CACNA2D3: variants seen among roughly 807,000 people sequenced by gnomAD.
The protein encoded by CACNA2D3 is calcium voltage-gated channel auxiliary subunit alpha2delta 3, also known as voltage-dependent calcium channel subunit alpha-2/delta-3.
Under a neutral mutation model 160.6 loss-of-function variants are expected in CACNA2D3, and 60 were observed. The observed-to-expected ratio is 0.37, with a 90% confidence interval of 0.30 to 0.46. The LOEUF is 0.46. CACNA2D3 is among the 20% of genes least tolerant of loss of function. The pLI, the probability that CACNA2D3 is intolerant of heterozygous loss-of-function variation, is 1.00. For synonymous variants in CACNA2D3, 558 were observed against 492.9 expected, an observed-to-expected ratio of 1.13 and a Z score of -1.75; for missense variants, 1,205 against 1,365.0, an observed-to-expected ratio of 0.88 and a Z score of 1.85.
intron 2 of CACNA2D3, among the ~76,000 whole-genome samples, chr3:54,255,138 C>T (rs545903092): frequency 6.6e-6 from 1 of 152,184 alleles, no homozygotes; most frequent in East Asian, 1.9e-4. Flanking sequence ...CCTGATTTCC[C>T]TCTTTTAAAA....
rs780345468 is a variant in CACNA2D3, at chr3:54,764,331, G to A, written c.1360G>A (p.Glu454Lys). 35 of 1,613,590 alleles carry A rather than the reference G, an allele frequency of 2.2e-5. No homozygotes were observed. Among genetic ancestry groups the A allele is most frequent in the African/African-American group, 4.0e-5 (3 of 74,898 alleles). Residue 454 changes from glutamate (E) to lysine (K), a missense_variant, in exon 13 of 38, where the codon GAA becomes AAA. Coordinates refer to ENST00000474759, the MANE Select transcript of CACNA2D3 (RefSeq NM_018398.3). Reference protein sequence around the residue: ...IDQEHDVVWTEAYIDSTLPQA... With the variant: ...IDQEHDVVWTKAYIDSTLPQA... The stretch of plus-strand genomic sequence containing the variant: ...CCAGGAGCATGATGTGGTGTGGACC[G>A]AAGCTTACATTGACAGCACTGTGAG...
chr3:55,069,738 A>G (rs368469967), intron 35 of CACNA2D3, among the ~76,000 whole-genome samples: 2 of 152,288 alleles, frequency 1.3e-5, no homozygotes, highest in South Asian at 2.1e-4. Context: ...AGTTTTGTTC[A>G]TGGCAATTGG....
At chr3:54,356,007 A>G (rs1405930714) in intron 3 of CACNA2D3, among the ~76,000 whole-genome samples, 1 of 151,330 alleles carries the variant, frequency 6.6e-6, no homozygotes, top group African/African-American at 2.4e-5. Flanking sequence ...GGAGGTCCCC[A>G]GGACTGGCTG....
intron 13 of CACNA2D3, among the ~76,000 whole-genome samples, chr3:54,804,908 G>C (rs529638834): frequency 5.3e-5 from 8 of 152,244 alleles, no homozygotes; most frequent in African/African-American, 1.7e-4. Context: ...CACTCAAAAT[G>C]GCTCAACTAC....
chr3:54,946,189 C>G (rs947161750), intron 27 of CACNA2D3, among the ~76,000 whole-genome samples: 1 of 152,182 alleles, frequency 6.6e-6, no homozygotes, highest in African/African-American at 2.4e-5. Context: ...TTCCCTGCCT[C>G]TCACTTTGCC....
At chr3:54,248,481 C>CAAAAAA (rs577393882) in intron 2 of CACNA2D3, among the ~76,000 whole-genome samples, 10 of 43,928 alleles carry the variant, frequency 2.3e-4, no homozygotes, top group East Asian at 7.1e-4. Flanking sequence ...AACTCCATCT[C>CAAAAAA]AAAAAAAAAA....
intron 27 of CACNA2D3, among the ~76,000 whole-genome samples, chr3:54,906,158 C>T (rs1026469512): frequency 6.6e-6 from 1 of 151,960 alleles, no homozygotes; most frequent in African/African-American, 2.4e-5. Context: ...GGAGAGCTTC[C>T]ATTTGTGTGG....
At chr3:54,999,357 C>G (rs552643165) in intron 31 of CACNA2D3, among the ~76,000 whole-genome samples, 57 of 152,282 alleles carry the variant, frequency 3.7e-4, no homozygotes, top group African/African-American at 1.3e-3. Flanking sequence ...TTCCTATGTT[C>G]CTCCCCCATG....
intron 2 of CACNA2D3, among the ~76,000 whole-genome samples, chr3:54,255,947 CA>C (rs1702285747): frequency 6.6e-6 from 1 of 151,826 alleles, no homozygotes; most frequent in African/African-American, 2.4e-5. Context: ...GTCACAGATC[CA>C]GTAAGTGTCA....
At chr3:54,335,918 C>G (rs558713758) in intron 3 of CACNA2D3, among the ~76,000 whole-genome samples, 2 of 147,444 alleles carry the variant, frequency 1.4e-5, no homozygotes, top group African/African-American at 5.0e-5. Flanking sequence ...GCAGGGGAAT[C>G]GCTTGAACCT....
At chr3:54,969,296 G>C (rs1702221321) in intron 28 of CACNA2D3, among the ~76,000 whole-genome samples, 1 of 119,774 alleles carries the variant, frequency 8.3e-6, no homozygotes, top group South Asian at 2.6e-4. Context: ...GTCTTGCTCT[G>C]TCTCCCAGGC....
chr3:54,298,249 G>T (rs1363891889), intron 2 of CACNA2D3, among the ~76,000 whole-genome samples: 1 of 152,154 alleles, frequency 6.6e-6, no homozygotes, highest in Non-Finnish European at 1.5e-5. Flanking sequence ...AGAATTGGAG[G>T]TACAAAGCCA....
intron 3 of CACNA2D3, among the ~76,000 whole-genome samples, chr3:54,329,046 C>T (rs1235219762): frequency 1.3e-5 from 2 of 152,166 alleles, no homozygotes; most frequent in Non-Finnish European, 2.9e-5. Context: ...GGGTCCTGTT[C>T]CCAGATGGCT....
intron 27 of CACNA2D3, among the ~76,000 whole-genome samples, chr3:54,936,885 A>C (rs1231733869): frequency 6.6e-6 from 1 of 152,158 alleles, no homozygotes; most frequent in East Asian, 1.9e-4. Context: ...GATTCTAATG[A>C]GGGCTGAGGA....
At chr3:54,971,625 G>A (rs1203135930) in intron 29 of CACNA2D3, among the ~76,000 whole-genome samples, 1 of 152,176 alleles carries the variant, frequency 6.6e-6, no homozygotes, top group Non-Finnish European at 1.5e-5. Context: ...TAAAGCCAGA[G>A]ACAGTAATCT....
chr3:54,550,042 C>A (rs9829404), intron 5 of CACNA2D3, among the ~76,000 whole-genome samples: 4,678 of 152,266 alleles, frequency 0.031, 261 homozygotes, highest in African/African-American at 0.11. Flanking sequence ...TTGTAAATGA[C>A]TTGTCATCTA....
At chr3:54,671,884 T>A (rs1006515566) in intron 11 of CACNA2D3, among the ~76,000 whole-genome samples, 3 of 152,220 alleles carry the variant, frequency 2.0e-5, no homozygotes, top group Admixed American at 6.5e-5. Flanking sequence ...TCTGCCCCCA[T>A]CTGCCCCTGC....
At chr3:54,503,254 C>T (rs537994792) in intron 4 of CACNA2D3, among the ~76,000 whole-genome samples, 111 of 152,260 alleles carry the variant, frequency 7.3e-4, no homozygotes, top group African/African-American at 2.2e-3. Context: ...GAAAGTACTG[C>T]GTTGCCCCTT....
intron 2 of CACNA2D3, among the ~76,000 whole-genome samples, chr3:54,289,544 T>C (rs1703128019): frequency 1.3e-5 from 2 of 151,876 alleles, no homozygotes; most frequent in Non-Finnish European, 2.9e-5. Flanking sequence ...CTTCACAGAA[T>C]TGGAAAAAAC....
Sources: allele counts gnomAD v4.1 joint callset (sites outside exome capture counted in the v4.1 genomes callset), GRCh38; gene constraint gnomAD v4.1.1; transcripts MANE v1.5; gene names NCBI Gene and HGNC (gene_info 2026-07-23, HGNC 2026-07-21).